The following LTBP2 variants were observed in gnomAD, a reference collection of about 807,000 sequenced individuals.
LTBP2 encodes the protein latent-transforming growth factor beta-binding protein 2.
In LTBP2, 103 loss-of-function variants were observed where a neutral mutation model predicts 210.6. That is an observed-to-expected ratio of 0.49 (90% CI 0.42 to 0.58). The LOEUF (loss-of-function observed/expected upper bound fraction) is 0.58. Ranked by LOEUF, LTBP2 falls within the 20% of genes least tolerant of loss-of-function variation. The pLI, the probability that LTBP2 is intolerant of heterozygous loss-of-function variation, is 0.00. For synonymous variants in LTBP2, 1,007 were observed against 1,015.0 expected, an observed-to-expected ratio of 0.99 and a Z score of 0.15; for missense variants, 2,313 against 2,494.5, an observed-to-expected ratio of 0.93 and a Z score of 1.55.
intron 3 of LTBP2, among the ~76,000 whole-genome samples, chr14:74,578,680 A>G (rs553343533): frequency 2.6e-5 from 4 of 152,226 alleles, no homozygotes; most frequent in African/African-American, 7.2e-5. Flanking sequence ...GGTTCACGAT[A>G]TCATCAGCAG....
chr14:74,521,993 G>A lies in LTBP2; in HGVS notation c.2706C>T (p.Cys902=). The change falls in exon 17 of 36, where the codon TGC becomes TGT. Residue 902 remains cysteine (C), a synonymous_variant. Coordinates refer to ENST00000261978, the MANE Select transcript of LTBP2 (RefSeq NM_000428.3). The part of the protein sequence containing the change: ...LRDPCKGKGR[C]INRVGSYSCF... ...AGGAGTAGGACCCCACGCGGTTGAT[G>A]CAGCGCCCTTTTCCCTTGCAGGGGT... 1 of 1,614,106 alleles carries A rather than the reference G, an allele frequency of 6.2e-7. No homozygotes were observed. Among genetic ancestry groups the A allele is most frequent in the Admixed American group, 1.7e-5 (1 of 60,016 alleles).
chr14:74,558,538 G>A (rs140612416), intron 3 of LTBP2, among the ~76,000 whole-genome samples: 7 of 152,338 alleles, frequency 4.6e-5, no homozygotes, highest in Admixed American at 2.0e-4. Context: ...TAGTGGCAGC[G>A]CCACAGAGCA....
rs1279197015 is a variant in LTBP2, at chr14:74,500,703, A to C, written c.*181T>G. The C allele has an allele frequency of 1.3e-6, 1 of 759,410 alleles. No homozygotes were observed. The highest frequency in any genetic ancestry group is 1.7e-5 in the African/African-American group (1 of 58,580). The allele number at this position is 759,410 out of a possible 1,614,324, so 47.0% of individuals were successfully genotyped here. ...GGTGGTGCTTGAGCCAAGCAAGGGC[A>C]TGGAGGCAATGACCGAAGCTTACAG... On this transcript the variant is annotated 3_prime_UTR_variant, in exon 36 of 36. Transcript: ENST00000261978.
chr14:74,507,273 A>G lies in LTBP2; in HGVS notation c.3813T>C (p.Cys1271=). The G allele has an allele frequency of 6.2e-7, 1 of 1,614,194 alleles. No individual in the cohort carries two copies. Among genetic ancestry groups the G allele is most frequent in the Admixed American group, 1.7e-5 (1 of 60,028 alleles). The change falls in exon 26 of 36, where the codon TGT becomes TGC. Residue 1271 remains cysteine (C), a synonymous_variant. Coordinates refer to ENST00000261978, the MANE Select transcript of LTBP2 (RefSeq NM_000428.3). ...DECEDYGDPV[C]GTWKCENSPG... ...GGCTGTTTTCACACTTCCAGGTGCC[A>G]CACACCGGGTCTCCATAGTCCTCAC...
In LTBP2 at chr14:74,526,064, G is replaced by A. The variant is rs2087268545; in HGVS notation, c.2428+11C>T. On this transcript the variant is annotated intron_variant, in intron 14 of 35. Transcript: ENST00000261978. ...TCTTTTGCCTAGGAGCCGCCAGGAA[G>A]AGGGACTCACCTGTGACCCAGGCAG... is the stretch of plus-strand genomic sequence containing the variant. The A allele has an allele frequency of 1.9e-6, 3 of 1,602,208 alleles. No homozygotes were observed. The highest frequency in any genetic ancestry group is 2.6e-6 in the Non-Finnish European group (3 of 1,173,846).
intron 3 of LTBP2, among the ~76,000 whole-genome samples, chr14:74,582,025 T>G (rs1297698030): frequency 1.5e-4 from 22 of 150,922 alleles, no homozygotes; most frequent in Non-Finnish European, 2.7e-4. Flanking sequence ...TGTTGTTTTT[T>G]TTTTTTTTTT....
intron 16 of LTBP2, 109 bp from the exon 17 acceptor site, chr14:74,522,148 G>T: frequency 7.5e-7 from 1 of 1,341,290 alleles, no homozygotes. Context: ...ATGGTGCTGT[G>T]TGGCAAGGAA....
chr14:74,529,186 AG>A, intron 10 of LTBP2, 64 bp from the exon 11 acceptor site: 1 of 1,536,640 alleles, frequency 6.5e-7, no homozygotes, highest in South Asian at 1.2e-5. Flanking sequence ...CGCAGCTGGG[AG>A]GGCAGTGGAT....
rs538534437 is a variant in LTBP2, at chr14:74,514,669, G to A, written c.2908+2153C>T. On this transcript the variant is annotated intron_variant, in intron 18 of 35. Transcript: ENST00000261978. ...CTGCAGGGAAGTCTATCCCCTGTCCGTGGGAACCTGGAGTCCCGGTACGAC... is the reference window on the plus strand; with the variant it reads ...CTGCAGGGAAGTCTATCCCCTGTCCATGGGAACCTGGAGTCCCGGTACGAC... Among the ~76,000 whole-genome samples the A allele has an allele frequency of 3.5e-4, 53 of 152,314 alleles. No homozygotes were observed. The South Asian group carries it at 9.9e-3, about 29-fold the overall frequency.
At chr14:74,576,426 T>G (rs1213914001) in intron 3 of LTBP2, among the ~76,000 whole-genome samples, 4 of 152,162 alleles carry the variant, frequency 2.6e-5, no homozygotes, top group Non-Finnish European at 5.9e-5. Context: ...AAAAATGGAT[T>G]ATATACCAAT....
In LTBP2 at chr14:74,500,829, C is replaced by A. The variant is rs185374765; in HGVS notation, c.*55G>T. The A allele has an allele frequency of 1.3e-5, 21 of 1,610,522 alleles. No homozygotes were observed. In the Admixed American group the frequency reaches 2.3e-4, roughly 18 times the overall value. The stretch of plus-strand genomic sequence containing the variant: ...CCAGCTAGGAAATCATCCTCAAGGC[C>A]CCTGCCTGTGACTGGAGGCCATTTC... On this transcript the variant is annotated 3_prime_UTR_variant, in exon 36 of 36. Coordinates refer to ENST00000261978, the MANE Select transcript of LTBP2 (RefSeq NM_000428.3).
chr14:74,538,078 A>G (rs1015524102), intron 8 of LTBP2, among the ~76,000 whole-genome samples: 3 of 152,156 alleles, frequency 2.0e-5, no homozygotes, highest in Non-Finnish European at 4.4e-5. Flanking sequence ...TATTGTTGAA[A>G]TGAATTCTTG....
At chr14:74,554,324 C>T (rs1255773167) in intron 4 of LTBP2, among the ~76,000 whole-genome samples, 1 of 151,930 alleles carries the variant, frequency 6.6e-6, no homozygotes, top group Non-Finnish European at 1.5e-5. Flanking sequence ...ACATGCAAGA[C>T]CCTATCTCTA....
intron 3 of LTBP2, among the ~76,000 whole-genome samples, chr14:74,581,871 G>A (rs959919740): frequency 4.6e-5 from 7 of 152,104 alleles, no homozygotes; most frequent in Non-Finnish European, 7.4e-5. Flanking sequence ...CCAGAGGAGA[G>A]GGAGCGACCA....
Position 74,504,765 on chromosome 14 carries a change from T to C in LTBP2, c.4453+13A>G, listed in dbSNP as rs2086959937. ...AGGTGAAGGAGTTTGGGGCAGAGGATGGAGCAGATTACCTGTGTACATGGT... is the reference window on the plus strand; with the variant it reads ...AGGTGAAGGAGTTTGGGGCAGAGGACGGAGCAGATTACCTGTGTACATGGT... On this transcript the variant is annotated intron_variant, in intron 30 of 35. Transcript: ENST00000261978. 3 of 1,613,628 alleles carry C rather than the reference T, an allele frequency of 1.9e-6. No homozygotes were observed. Among genetic ancestry groups the C allele is most frequent in the Admixed American group, 3.3e-5 (2 of 60,002 alleles).
chr14:74,607,072 T>C (rs2088537444), intron 1 of LTBP2, among the ~76,000 whole-genome samples: 1 of 152,218 alleles, frequency 6.6e-6, no homozygotes, highest in South Asian at 2.1e-4. Flanking sequence ...TCATTTAATC[T>C]GGAGTTTCAC....
At position 74,522,877 on chromosome 14, in the gene LTBP2, G is replaced by A. The variant is rs1381753414; in HGVS notation, c.2572C>T (p.Pro858Ser). The A allele has an allele frequency of 6.2e-7, 1 of 1,612,738 alleles. No homozygotes were observed. Among genetic ancestry groups the A allele is most frequent in the African/African-American group, 1.3e-5 (1 of 75,038 alleles). The change falls in exon 16 of 36, where the codon CCT becomes TCT. Residue 858 changes from proline to serine, a missense_variant. Pro to Ser is a moderately conservative substitution (Grantham distance 74, BLOSUM62 -1). Coordinates refer to ENST00000261978, the MANE Select transcript of LTBP2 (RefSeq NM_000428.3). The stretch of plus-strand genomic sequence containing the variant: ...TCGGGGAGGTTCACGCAGGTTCCAG[G>A]GCCACAGACGTTGGTGGCTCCAGCA... ...CAAGATNVCGPGTCVNLPDGY... is the reference protein window; with the variant it reads ...CAAGATNVCGSGTCVNLPDGY...
At position 74,526,120 on chromosome 14, in the gene LTBP2, C is replaced by T; in HGVS notation, c.2389-6G>A. The T allele has an allele frequency of 6.3e-7, 1 of 1,599,776 alleles. No individual in the cohort carries two copies. The highest frequency in any genetic ancestry group is 8.5e-7 in the Non-Finnish European group (1 of 1,172,506). ...TGAGTGACACTGGTCGTGACCTGCA[C>T]AGAAACAGGAGAAGGTCACTTTTGG... On this transcript the variant is annotated splice_region_variant and splice_polypyrimidine_tract_variant and intron_variant, in intron 13 of 35. Transcript: ENST00000261978.
In LTBP2 at chr14:74,551,165, T is replaced by A. The variant is rs1164104304; in HGVS notation, c.1585A>T (p.Ile529Phe). 1 of 1,613,848 alleles carries A rather than the reference T, an allele frequency of 6.2e-7. No individual in the cohort carries two copies. The highest frequency in any genetic ancestry group is 8.5e-7 in the Non-Finnish European group (1 of 1,179,994). Residue 529 changes from isoleucine to phenylalanine, a missense_variant, in exon 7 of 36, where the codon ATC becomes TTC. Transcript: ENST00000261978. ...PGHSLWDSNN[I>F]PARSGEPPRP... ...GGGGGCTCTCCAGACCGAGCAGGGA[T>A]GTTGTTGCTGTCCCAGAGGCTGTGG...
Sources: allele counts gnomAD v4.1 joint callset (sites outside exome capture counted in the v4.1 genomes callset), GRCh38; gene constraint gnomAD v4.1.1; transcripts MANE v1.5; gene names NCBI Gene and HGNC (gene_info 2026-07-23, HGNC 2026-07-21).